Variants in TALDO1 observed in about 807,000 individuals in gnomAD.
TALDO1 encodes transaldolase 1, also known as transaldolase.
A neutral mutation model predicts 38.1 loss-of-function variants in TALDO1; 29 were observed. That is an observed-to-expected ratio of 0.76 (90% CI 0.57 to 1.04). TALDO1 has a LOEUF of 1.04. Ranked by LOEUF, TALDO1 falls within the 50% of genes least tolerant of loss-of-function variation. The probability of loss-of-function intolerance (pLI) is 0.00; values close to 1 mark genes in which losing one functional copy is unlikely to be tolerated. For synonymous variants in TALDO1, 207 were observed against 176.8 expected (o/e 1.17, Z -1.36); for missense variants, 499 against 438.1 (o/e 1.14, Z -1.24).
rs550990914 is a variant in TALDO1, at chr11:764,301, C to T, written c.849C>T (p.Asp283=). Residue 283 remains aspartate (D), a synonymous_variant, in exon 7 of 8, where the codon GAC becomes GAT. Transcript: ENST00000319006. ...CTTGTCCCCCAGCCCAAGCCAGTGA[C>T]CTGGAAAAAATCCACCTGGATGAGA... is the stretch of plus-strand genomic sequence containing the variant. ...VLSAKAAQAS[D]LEKIHLDEKS... 1.9e-6 allele frequency: 3 copies of T among 1,614,210 alleles called. No individual in the cohort carries two copies. The highest frequency in any genetic ancestry group is 2.2e-5 in the South Asian group (2 of 91,090).
At chr11:760,602 C>G (rs747839913) in intron 4 of TALDO1, 5 of 310,656 alleles carry the variant, frequency 1.6e-5, no homozygotes, top group Non-Finnish European at 3.1e-5. Flanking sequence ...AAAAAGTAAA[C>G]TATTGTTATA....
intron 3 of TALDO1, among the ~76,000 whole-genome samples, chr11:759,434 G>C (rs554269408): frequency 2.0e-5 from 3 of 148,684 alleles, no homozygotes; most frequent in Non-Finnish European, 3.0e-5. Context: ...CTAATTTGTT[G>C]TATTTTTAAT....
intron 4 of TALDO1, 83 bp downstream of exon 4, chr11:760,336 ACTCT>A: frequency 6.3e-7 from 1 of 1,590,184 alleles, no homozygotes. Context: ...GGCAAGTTTG[ACTCT>A]CTCAGCCCTG....
chr11:749,108 T>C (rs1862707291), intron 1 of TALDO1, among the ~76,000 whole-genome samples: 1 of 152,126 alleles, frequency 6.6e-6, no homozygotes, highest in Non-Finnish European at 1.5e-5. Context: ...TGTATTGTTT[T>C]TTAAGAAAAC....
intron 2 of TALDO1, among the ~76,000 whole-genome samples, chr11:757,491 A>T (rs1349156164): frequency 1.3e-5 from 2 of 151,980 alleles, no homozygotes; most frequent in Admixed American, 1.3e-4. Context: ...GCAGGGTTTC[A>T]CCATGTTGCC....
At chr11:750,096 G>A (rs1239540539) in intron 1 of TALDO1, among the ~76,000 whole-genome samples, 1 of 152,146 alleles carries the variant, frequency 6.6e-6, no homozygotes, top group African/African-American at 2.4e-5. Context: ...CTGCACTGGG[G>A]CAAGGAGGCT....
intron 1 of TALDO1, among the ~76,000 whole-genome samples, chr11:755,586 A>G (rs1235515157): frequency 6.6e-6 from 1 of 152,026 alleles, no homozygotes; most frequent in East Asian, 1.9e-4. Context: ...TCCTTTGACC[A>G]GCGTTCTCCC....
At chr11:750,169 T>C (rs1862725862) in intron 1 of TALDO1, among the ~76,000 whole-genome samples, 1 of 152,154 alleles carries the variant, frequency 6.6e-6, no homozygotes, top group South Asian at 2.1e-4. Flanking sequence ...AGCTGTCCCA[T>C]TGTCACTGAG....
chr11:748,186 C>T (rs1198179090), intron 1 of TALDO1, among the ~76,000 whole-genome samples: 1 of 152,238 alleles, frequency 6.6e-6, no homozygotes, highest in Non-Finnish European at 1.5e-5. Context: ...AGAGCGGGGA[C>T]ATCAGCTAGC....
intron 1 of TALDO1, 130 bp downstream of exon 1, chr11:747,708 A>T (rs1315746345): frequency 2.5e-6 from 2 of 796,028 alleles, no homozygotes; most frequent in Non-Finnish European, 3.8e-6. Flanking sequence ...TTCCGGGAGG[A>T]ATGAGCGCAG....
intron 4 of TALDO1, among the ~76,000 whole-genome samples, chr11:762,210 C>T (rs1269227960): frequency 6.6e-6 from 1 of 152,114 alleles, no homozygotes; most frequent in African/African-American, 2.4e-5. Context: ...GTGATCCGCC[C>T]GCCTCGGCCT....
At chr11:749,526 G>A (rs964311635) in intron 1 of TALDO1, among the ~76,000 whole-genome samples, 5 of 151,762 alleles carry the variant, frequency 3.3e-5, no homozygotes, top group African/African-American at 1.2e-4. Context: ...AAAATAGTCT[G>A]TTGGGTTTGT....
At chr11:747,783 G>T (rs1459437750) in intron 1 of TALDO1, among the ~76,000 whole-genome samples, 1 of 151,786 alleles carries the variant, frequency 6.6e-6, no homozygotes, top group East Asian at 1.9e-4. Context: ...CGTGAGAGGC[G>T]CAGGGCCAGC....
In TALDO1 at chr11:764,838, G is replaced by C. The variant is rs1437021308; in HGVS notation, c.1007G>C (p.Gly336Ala). 1.2e-6 allele frequency: 2 copies of C among 1,614,158 alleles called. No homozygotes were observed. Among genetic ancestry groups the C allele is most frequent in the East Asian group, 2.2e-5 (1 of 44,894 alleles). ...LTERMFNAEN[G>A]K Reference sequence around the variant, plus strand: ...GAACGAATGTTCAATGCAGAGAATGGAAAGTAGCGCATCCCTGAGGCTGGA... The same window carrying C: ...GAACGAATGTTCAATGCAGAGAATGCAAAGTAGCGCATCCCTGAGGCTGGA... Residue 336 changes from glycine (G) to alanine (A), a missense_variant, in exon 8 of 8, where the codon GGA (glycine) becomes GCA (alanine). Gly to Ala is a moderately conservative substitution (Grantham distance 60). Coordinates refer to ENST00000319006, the MANE Select transcript of TALDO1 (RefSeq NM_006755.2).
chr11:748,924 C>A (rs955671955), intron 1 of TALDO1, among the ~76,000 whole-genome samples: 1 of 152,192 alleles, frequency 6.6e-6, no homozygotes, highest in Admixed American at 6.5e-5. Flanking sequence ...TGCAGTTTGC[C>A]TGGTGGACAG....
intron 3 of TALDO1, among the ~76,000 whole-genome samples, chr11:759,884 G>GT: frequency 1.3e-5 from 2 of 152,260 alleles, no homozygotes; most frequent in South Asian, 2.1e-4. Context: ...CTGGCCCAGT[G>GT]TTTTTTAATA....
intron 2 of TALDO1, chr11:756,213 C>A: frequency 1.5e-6 from 1 of 688,984 alleles, no homozygotes; most frequent in Non-Finnish European, 2.4e-6. Flanking sequence ...AGAGTTTTGC[C>A]AATGTGTGTA....
intron 3 of TALDO1, among the ~76,000 whole-genome samples, chr11:759,832 A>G (rs926383690): frequency 3.9e-5 from 6 of 152,054 alleles, no homozygotes; most frequent in African/African-American, 1.4e-4. Context: ...TTCCCGCCTC[A>G]GCCTCCCAAA....
rs760576489 is a variant in TALDO1 at position 764,801 on chromosome 11, GTT to G, written c.982-10_982-9del. 6.2e-7 allele frequency: 1 copy of G among 1,613,974 alleles called. No homozygotes were observed. On this transcript the variant is annotated splice_polypyrimidine_tract_variant and intron_variant, in intron 7 of 7. Transcript: ENST00000319006. The stretch of plus-strand genomic sequence containing the variant: ...GGTGGGGAGACACAGCTCGTGCTCT[GTT>G]TGTTTCTAGGAACGAATGTTCAATG...
Sources: gnomAD v4.1 joint callset for allele counts (sites outside exome capture counted in the v4.1 genomes callset) on GRCh38, gnomAD v4.1.1 for gene constraint, MANE v1.5 for transcripts, NCBI Gene and HGNC (gene_info 2026-07-23, HGNC 2026-07-21) for gene names.